Variants in CYYR1 observed in about 807,000 individuals in gnomAD.
The protein encoded by CYYR1 is cysteine and tyrosine rich 1, also known as cysteine and tyrosine-rich protein 1.
A neutral mutation model predicts 15.2 loss-of-function variants in CYYR1; 14 were observed. The observed-to-expected ratio is 0.92, with a 90% CI of 0.61 to 1.44. The LOEUF is 1.44. Among genes scored for constraint, CYYR1 ranks in the 40% most tolerant of loss-of-function variants. The pLI, the probability that CYYR1 is intolerant of heterozygous loss-of-function variation, is 0.00. For missense variants in CYYR1, 228 were observed against 209.5 expected, an observed-to-expected ratio of 1.09 and a Z score of -0.54; for synonymous variants, 80 against 77.4, an observed-to-expected ratio of 1.03 and a Z score of -0.18.
intron 2 of CYYR1, among the ~76,000 whole-genome samples, chr21:26,556,895 G>A (rs1979828308): frequency 6.6e-6 from 1 of 152,018 alleles, no homozygotes; most frequent in Non-Finnish European, 1.5e-5. Context: ...AGATATAGTG[G>A]GTAAGAAAAG....
At chr21:26,543,032 T>A (rs1427448390) in intron 2 of CYYR1, among the ~76,000 whole-genome samples, 2 of 152,208 alleles carry the variant, frequency 1.3e-5, no homozygotes, top group African/African-American at 4.8e-5. Flanking sequence ...TATAAAAAGA[T>A]TCAAGTTAAA....
intron 2 of CYYR1, chr21:26,550,579 G>A (rs1979315141): frequency 6.6e-6 from 1 of 152,150 alleles, no homozygotes; most frequent in Non-Finnish European, 1.5e-5. Flanking sequence ...GTGAACACAT[G>A]AATGATAAGA....
chr21:26,507,438 A>T (rs917618192), intron 2 of CYYR1, among the ~76,000 whole-genome samples: 3 of 152,220 alleles, frequency 2.0e-5, no homozygotes, highest in Non-Finnish European at 4.4e-5. Flanking sequence ...TTAATTTTAG[A>T]ATATGTTCTC....
chr21:26,481,878 GA>G (rs781095030), intron 2 of CYYR1, among the ~76,000 whole-genome samples: 20 of 151,922 alleles, frequency 1.3e-4, no homozygotes, highest in Non-Finnish European at 2.2e-4. Flanking sequence ...AGTAATAACA[GA>G]ATAATTGCCA....
chr21:26,491,853 C>G (rs1214859442), intron 2 of CYYR1, among the ~76,000 whole-genome samples: 1 of 152,126 alleles, frequency 6.6e-6, no homozygotes, highest in Non-Finnish European at 1.5e-5. Context: ...TCGCAAGTTC[C>G]CATTCTCTGT....
intron 2 of CYYR1, among the ~76,000 whole-genome samples, chr21:26,530,761 C>T (rs1436660306): frequency 1.3e-5 from 2 of 152,140 alleles, no homozygotes; most frequent in East Asian, 3.9e-4. Flanking sequence ...TGGTTTCCAG[C>T]TTCATCCATG....
intron 2 of CYYR1, among the ~76,000 whole-genome samples, chr21:26,564,122 C>A (rs904293533): frequency 1.3e-5 from 2 of 151,792 alleles, no homozygotes; most frequent in African/African-American, 2.4e-5. Context: ...TATGAAGGAA[C>A]CCTTGTAAGC....
rs1421613091 is a variant in CYYR1 at position 26,513,940 on chromosome 21, C to G, written c.177-33511G>C. Among the ~76,000 whole-genome samples, 8 of 150,422 alleles carry G rather than the reference C, an allele frequency of 5.3e-5. 1 individual carries two copies. The highest frequency in any genetic ancestry group is 2.1e-4 in the South Asian group (1 of 4,702). ...GGGGTGGGGGGAGGGGGGAGGGATA[C>G]CATTAGGAGATATACCTAATGTAAA... On this transcript the variant is annotated intron_variant, in intron 2 of 3. Coordinates refer to ENST00000652641, the MANE Select transcript of CYYR1 (RefSeq NM_001320768.2).
At chr21:26,542,312 T>TGTGG in intron 2 of CYYR1, among the ~76,000 whole-genome samples, 1 of 151,708 alleles carries the variant, frequency 6.6e-6, no homozygotes, top group Admixed American at 6.6e-5. Context: ...TGTGTGTGTG[T>TGTGG]GTGTGTGTGT....
chr21:26,488,545 G>T (rs11701991), intron 2 of CYYR1, among the ~76,000 whole-genome samples: 5,631 of 152,180 alleles, frequency 0.037, 208 homozygotes, highest in Admixed American at 0.12. Flanking sequence ...GAGCCACCAT[G>T]CCTGGCGAGT....
At chr21:26,513,260 T>G (rs903528027) in intron 2 of CYYR1, among the ~76,000 whole-genome samples, 15 of 152,204 alleles carry the variant, frequency 9.9e-5, no homozygotes, top group Non-Finnish European at 1.5e-4. Context: ...TGCACTCATT[T>G]CATATTGCCT....
Position 26,468,146 on chromosome 21 carries a change from C to A in CYYR1, c.*355G>T. The A allele has an allele frequency of 3.3e-6, 1 of 302,758 alleles. No individual in the cohort carries two copies. The highest frequency in any genetic ancestry group is 6.4e-6 in the Non-Finnish European group (1 of 155,740). The allele number at this position is 302,758 out of a possible 1,614,324, so 18.8% of individuals were successfully genotyped here. A position where few individuals can be genotyped will look rare whatever the true frequency, so the allele number is the denominator to read the frequency against. On this transcript the variant is annotated 3_prime_UTR_variant, in exon 4 of 4. Transcript: ENST00000652641. ...GTGTGGGCCAAATCATTCTCCCATC[C>A]TACTTAGATCTTCTTTTTTTCCAGG...
chr21:26,504,974 G>A (rs1249327807), intron 2 of CYYR1, among the ~76,000 whole-genome samples: 1 of 152,062 alleles, frequency 6.6e-6, no homozygotes, highest in Non-Finnish European at 1.5e-5. Flanking sequence ...CCATGTCCCC[G>A]AATACAAATT....
chr21:26,556,641 G>A (rs972791490), intron 2 of CYYR1, among the ~76,000 whole-genome samples: 1 of 152,058 alleles, frequency 6.6e-6, no homozygotes, highest in Non-Finnish European at 1.5e-5. Flanking sequence ...GGCCAGAGCA[G>A]GAAAGACAGT....
rs1978601959 is a variant in CYYR1 at position 26,542,255 on chromosome 21, G to A, written c.176+24011C>T. Among the ~76,000 whole-genome samples the A allele has an allele frequency of 2.8e-5, 4 of 145,308 alleles. No homozygotes were observed. In the Admixed American group the frequency reaches 2.8e-4, roughly 10 times the overall value. ...TGGGGGACGGGGGCGGGGCGGGAGA[G>A]AGAAAGAGAGAGAGAGAGAATATGT... is the stretch of plus-strand genomic sequence containing the variant. On this transcript the variant is annotated intron_variant, in intron 2 of 3. Transcript: ENST00000652641.
chr21:26,524,626 C>G (rs1449432161), intron 2 of CYYR1, among the ~76,000 whole-genome samples: 1 of 85,616 alleles, frequency 1.2e-5, no homozygotes, highest in African/African-American at 4.4e-5. Context: ...AAGCCAACCA[C>G]TTAGTAATGT....
At chr21:26,516,260 T>C (rs1215940841) in intron 2 of CYYR1, among the ~76,000 whole-genome samples, 1 of 152,240 alleles carries the variant, frequency 6.6e-6, no homozygotes, top group Admixed American at 6.5e-5. Context: ...GTTTGATAGT[T>C]TATAAGGGCC....
At chr21:26,545,526 T>C (rs1978899940) in intron 2 of CYYR1, among the ~76,000 whole-genome samples, 1 of 151,718 alleles carries the variant, frequency 6.6e-6, no homozygotes, top group Admixed American at 6.6e-5. Context: ...ACGGTTGGAC[T>C]GTGTAATGGT....
intron 2 of CYYR1, among the ~76,000 whole-genome samples, chr21:26,491,582 T>G (rs2065329471): frequency 6.6e-6 from 1 of 152,190 alleles, no homozygotes; most frequent in Non-Finnish European, 1.5e-5. Context: ...ATCTGCTTTT[T>G]GGGGGCAGCT....
Sources: gnomAD v4.1 joint callset for allele counts (sites outside exome capture counted in the v4.1 genomes callset) on GRCh38, gnomAD v4.1.1 for gene constraint, MANE v1.5 for transcripts, NCBI Gene and HGNC (gene_info 2026-07-23, HGNC 2026-07-21) for gene names.